Variants in GPC5 observed in about 807,000 individuals in gnomAD.
The protein encoded by GPC5 is glypican 5.
Under a neutral mutation model 53.9 loss-of-function variants are expected in GPC5, and 47 were observed. The observed-to-expected ratio is 0.87, with a 90% CI of 0.69 to 1.11. The LOEUF (loss-of-function observed/expected upper bound fraction) is 1.11, where lower values mean the gene tolerates loss of function less well. Among genes scored for constraint, GPC5 ranks in the 50% most tolerant of loss-of-function variants. The pLI, the probability that GPC5 is intolerant of heterozygous loss-of-function variation, is 0.00. For synonymous variants in GPC5, 286 were observed against 263.3 expected, an observed-to-expected ratio of 1.09 and a Z score of -0.84; for missense variants, 748 against 713.1, an observed-to-expected ratio of 1.05 and a Z score of -0.56.
intron 7 of GPC5, among the ~76,000 whole-genome samples, chr13:92,830,272 A>G (rs1878006058): frequency 6.6e-6 from 1 of 152,138 alleles, no homozygotes; most frequent in South Asian, 2.1e-4. Context: ...ATAGCCAAAA[A>G]TAAATTGAAA....
chr13:92,414,799 T>C (rs568627132), intron 7 of GPC5, among the ~76,000 whole-genome samples: 2 of 152,314 alleles, frequency 1.3e-5, no homozygotes, highest in South Asian at 2.1e-4. Flanking sequence ...TTCTGGTTCA[T>C]AGATGTCTTC....
At chr13:92,203,605 T>A (rs1251800594) in intron 7 of GPC5, among the ~76,000 whole-genome samples, 1 of 143,414 alleles carries the variant, frequency 7.0e-6, no homozygotes, top group Non-Finnish European at 1.5e-5. Flanking sequence ...ACCTGCACAA[T>A]GTGCACATGT....
intron 3 of GPC5, among the ~76,000 whole-genome samples, chr13:91,706,667 C>G (rs342691): frequency 6.6e-6 from 1 of 151,902 alleles, no homozygotes; most frequent in Non-Finnish European, 1.5e-5. Context: ...AACTTGAATT[C>G]ATTTAACTGC....
chr13:92,340,721 G>C (rs913964670), intron 7 of GPC5: 1 of 151,986 alleles, frequency 6.6e-6, no homozygotes, highest in Non-Finnish European at 1.5e-5. Flanking sequence ...TCAGACAAAC[G>C]ATTGTATTGA....
chr13:91,855,879 A>G (rs796544854), intron 5 of GPC5, among the ~76,000 whole-genome samples: 9 of 151,648 alleles, frequency 5.9e-5, no homozygotes, highest in African/African-American at 2.2e-4. Context: ...TAATTCAATG[A>G]CACACATAAA....
chr13:92,743,118 G>A (rs1889149574), intron 7 of GPC5, among the ~76,000 whole-genome samples: 1 of 151,054 alleles, frequency 6.6e-6, no homozygotes, highest in South Asian at 2.1e-4. Context: ...TCAATTCTGT[G>A]AAGAAAGTCA....
intron 5 of GPC5, among the ~76,000 whole-genome samples, chr13:91,844,095 A>G (rs2038821437): frequency 6.6e-6 from 1 of 152,168 alleles, no homozygotes; most frequent in African/African-American, 2.4e-5. Context: ...GAGGTAAAGG[A>G]TAAGAGAATG....
intron 7 of GPC5, among the ~76,000 whole-genome samples, chr13:92,182,259 G>T (rs2042152146): frequency 6.6e-6 from 1 of 152,100 alleles, no homozygotes; most frequent in African/African-American, 2.4e-5. Flanking sequence ...TGAAGGCATT[G>T]AAAAATGTCA....
At chr13:92,021,133 A>G (rs1171502173) in intron 6 of GPC5, among the ~76,000 whole-genome samples, 1 of 152,130 alleles carries the variant, frequency 6.6e-6, no homozygotes, top group Admixed American at 6.6e-5. Flanking sequence ...ACTTCTGAGG[A>G]TTTATTCAAC....
chr13:91,609,122 AT>A lies in GPC5; in HGVS notation c.326-84061del, dbSNP rs535051644. ...TTCAGGCATATTAAGTGAGGTAAAT[AT>A]TTTGTTGAAGAGGTTCTATCACTGC... is the stretch of plus-strand genomic sequence containing the variant. On this transcript the variant is annotated intron_variant, in intron 2 of 7. Transcript: ENST00000377067. Among the ~76,000 whole-genome samples, 8 of 149,698 alleles carry A rather than the reference AT, an allele frequency of 5.3e-5. No homozygotes were observed. The East Asian group carries it at 1.4e-3, about 26-fold the overall frequency.
At chr13:92,850,987 C>A (rs943762588) in intron 7 of GPC5, among the ~76,000 whole-genome samples, 4 of 152,106 alleles carry the variant, frequency 2.6e-5, no homozygotes, top group Non-Finnish European at 5.9e-5. Flanking sequence ...GTACAGGAAG[C>A]ATGGAGGCAT....
intron 2 of GPC5, among the ~76,000 whole-genome samples, chr13:91,531,957 G>T (rs1310992851): frequency 6.6e-6 from 1 of 152,134 alleles, no homozygotes; most frequent in African/African-American, 2.4e-5. Flanking sequence ...GCAGTGACAT[G>T]ATTTAGTCAC....
At chr13:91,774,522 A>C (rs959761479) in intron 5 of GPC5, among the ~76,000 whole-genome samples, 5 of 152,258 alleles carry the variant, frequency 3.3e-5, no homozygotes, top group African/African-American at 9.6e-5. Flanking sequence ...CTACAGGAGT[A>C]TATTGGAGAA....
In GPC5 at chr13:92,165,621, G is replaced by A. The variant is rs554240708; in HGVS notation, c.1561+20632G>A. 5.3e-5 allele frequency among the ~76,000 whole-genome samples: 8 copies of A among 152,260 alleles called. No homozygotes were observed. The South Asian group carries it at 6.2e-4, about 12-fold the overall frequency. ...AGAACAGCATAGGAGAACCACCCCC[G>A]TGATTCCGTCACCTCTCATGAGGCC... On this transcript the variant is annotated intron_variant, in intron 7 of 7. Coordinates refer to ENST00000377067, the MANE Select transcript of GPC5 (RefSeq NM_004466.6).
chr13:92,527,198 A>AG (rs1491324657), intron 7 of GPC5, among the ~76,000 whole-genome samples: 1 of 26,186 alleles, frequency 3.8e-5, no homozygotes, highest in African/African-American at 2.7e-4. Flanking sequence ...AGAAAGAAAG[A>AG]AAGAAAGAAA....
intron 6 of GPC5, among the ~76,000 whole-genome samples, chr13:91,998,487 C>G (rs1343896180): frequency 6.6e-6 from 1 of 152,144 alleles, no homozygotes; most frequent in Non-Finnish European, 1.5e-5. Context: ...GCTTTCCAAT[C>G]CATAAACATG....
rs541522852 is a variant in GPC5, at chr13:92,586,165, T to A, written c.1562-280117T>A. Among the ~76,000 whole-genome samples, 19 of 152,312 alleles carry A rather than the reference T, an allele frequency of 1.2e-4. 1 individual carries two copies. The highest frequency in any genetic ancestry group is 4.6e-4 in the African/African-American group (19 of 41,572). On this transcript the variant is annotated intron_variant, in intron 7 of 7. Transcript: ENST00000377067. The stretch of plus-strand genomic sequence containing the variant: ...TTCAATATGAGAAGACAGAATGGTG[T>A]CAAGCTTGCCAAATATTTTCCAGTG...
intron 2 of GPC5, among the ~76,000 whole-genome samples, chr13:91,586,506 A>G (rs2032575197): frequency 4.3e-4 from 1 of 2,332 alleles, no homozygotes; most frequent in Non-Finnish European, 7.1e-4. Flanking sequence ...CAGGATATAT[A>G]TATATATATA....
At chr13:92,524,470 A>G (rs930676681) in intron 7 of GPC5, among the ~76,000 whole-genome samples, 2 of 152,124 alleles carry the variant, frequency 1.3e-5, no homozygotes, top group African/African-American at 2.4e-5. Flanking sequence ...TTTTCAGTAT[A>G]TGGTTGGTTG....
Sources: gnomAD v4.1 joint callset for allele counts (sites outside exome capture counted in the v4.1 genomes callset) on GRCh38, gnomAD v4.1.1 for gene constraint, MANE v1.5 for transcripts, NCBI Gene and HGNC (gene_info 2026-07-23, HGNC 2026-07-21) for gene names.